The following C1D variants were observed in gnomAD, a reference collection of about 807,000 sequenced individuals.
The protein encoded by C1D is C1D nuclear receptor corepressor, also known as nuclear nucleic acid-binding protein C1D.
C1D carries 10 observed loss-of-function variants against 17.5 expected under a neutral mutation model. That is an observed-to-expected ratio of 0.57 (90% CI 0.35 to 0.97). The LOEUF is 0.97. Ranked by LOEUF, C1D falls within the 50% of genes least tolerant of loss-of-function variation. C1D has a pLI of 0.01. For synonymous variants in C1D, 49 were observed against 54.0 expected, an observed-to-expected ratio of 0.91 and a Z score of 0.40; for missense variants, 136 against 160.1, an observed-to-expected ratio of 0.85 and a Z score of 0.81.
At chr2:68,046,075 G>A in intron 3 of C1D, 32 bp from the exon 4 acceptor site, 1 of 1,415,678 alleles carries the variant, frequency 7.1e-7, no homozygotes, top group Non-Finnish European at 9.8e-7. Flanking sequence ...GAATAAAATG[G>A]TGAATGTATT....
At chr2:68,051,882 T>C (rs558276480) in intron 1 of C1D, among the ~76,000 whole-genome samples, 13 of 152,016 alleles carry the variant, frequency 8.6e-5, no homozygotes, top group Admixed American at 6.6e-4. Flanking sequence ...CAATATCAAC[T>C]AACATATATT....
rs369368107 is a variant in C1D, at chr2:68,046,139, T to TA, written c.206-97dup. On this transcript the variant is annotated intron_variant, in intron 3 of 4. Transcript: ENST00000410067. ...AGTTATTCACAAAAAAGGAAAGTCCTACAAACAATTAAACTTTAAATTATT... is the reference window on the plus strand; with the variant it reads ...AGTTATTCACAAAAAAGGAAAGTCCTAACAAACAATTAAACTTTAAATTATT... 1.1e-4 allele frequency: 100 copies of TA among 935,252 alleles called. No homozygotes were observed. In the African/African-American group the frequency reaches 1.5e-3, roughly 14 times the overall value. 57.9% of individuals were successfully genotyped at this position (935,252 alleles called of 1,614,324 possible). A position where few individuals can be genotyped will look rare whatever the true frequency, so the allele number is the denominator to read the frequency against.
At position 68,043,001 on chromosome 2, in the gene C1D, T is replaced by A; in HGVS notation, c.314A>T (p.Lys105Met). ...TGCACCTCTGTCCAGCTTGCCAGCCTTTTTCTTGTCTGTTATTTCCTTGAC... is the reference window on the plus strand; with the variant it reads ...TGCACCTCTGTCCAGCTTGCCAGCCATTTTCTTGTCTGTTATTTCCTTGAC... ...NRVKEITDKK[K>M]AGKLDRGAAS... is the part of the protein sequence containing the mutation. Residue 105 changes from lysine to methionine, a missense_variant, in exon 5 of 5, where the codon AAG becomes ATG. By Grantham distance (95) the Lys-to-Met change is moderately conservative (BLOSUM62 -1). Transcript: ENST00000410067. 1 of 1,609,690 alleles carries A rather than the reference T, an allele frequency of 6.2e-7. No individual in the cohort carries two copies. Among genetic ancestry groups the A allele is most frequent in the Non-Finnish European group, 8.5e-7 (1 of 1,177,336 alleles).
chr2:68,048,337 T>C (rs576996929), intron 1 of C1D, among the ~76,000 whole-genome samples: 1 of 152,262 alleles, frequency 6.6e-6, no homozygotes, highest in South Asian at 2.1e-4. Context: ...GAGAACAGCA[T>C]GAATGTGTAT....
At chr2:68,060,313 A>C (rs1345814221) in intron 1 of C1D, among the ~76,000 whole-genome samples, 1 of 152,180 alleles carries the variant, frequency 6.6e-6, no homozygotes, top group Non-Finnish European at 1.5e-5. Context: ...ACAGCAAACT[A>C]TTCTTAAACA....
chr2:68,052,140 G>A (rs903521547), intron 1 of C1D, among the ~76,000 whole-genome samples: 1 of 150,780 alleles, frequency 6.6e-6, no homozygotes, highest in Non-Finnish European at 1.5e-5. Flanking sequence ...CAATGAGAAG[G>A]AAAAAGTCAG....
chr2:68,059,474 C>G (rs1029954209), intron 1 of C1D, among the ~76,000 whole-genome samples: 3 of 152,158 alleles, frequency 2.0e-5, no homozygotes, highest in African/African-American at 7.2e-5. Flanking sequence ...CCATACCTCC[C>G]AAACAAAAGT....
At chr2:68,053,113 C>A in intron 1 of C1D, 1 of 1,550,908 alleles carries the variant, frequency 6.4e-7, no homozygotes, top group East Asian at 2.4e-5. Context: ...CCTTGCCCTT[C>A]CACATACTCC....
chr2:68,057,074 C>A (rs562032595), intron 1 of C1D, among the ~76,000 whole-genome samples: 2 of 152,076 alleles, frequency 1.3e-5, no homozygotes, highest in African/African-American at 2.4e-5. Flanking sequence ...TGAAAAGGTA[C>A]GAGGTACAGC....
chr2:68,055,359 A>G (rs1671407292), intron 1 of C1D, among the ~76,000 whole-genome samples: 1 of 152,218 alleles, frequency 6.6e-6, no homozygotes, highest in African/African-American at 2.4e-5. Flanking sequence ...TTTATAGGAA[A>G]TCCAAAGGAT....
At position 68,061,088 on chromosome 2, in the gene C1D, G is replaced by T. The variant is rs74959756; in HGVS notation, c.-10+1870C>A. The stretch of plus-strand genomic sequence containing the variant: ...ACACCAAATAATTATACACAGTTAT[G>T]AACTAAGCCAAAGAACAAATCCAAC... On this transcript the variant is annotated intron_variant, in intron 1 of 4. Coordinates refer to ENST00000410067, the MANE Select transcript of C1D (RefSeq NM_173177.3). Among the ~76,000 whole-genome samples, 1,446 of 152,288 alleles carry T rather than the reference G, an allele frequency of 9.5e-3. 24 individuals are homozygous for T. Among genetic ancestry groups the T allele is most frequent in the African/African-American group, 0.032 (1,349 of 41,552 alleles).
intron 1 of C1D, among the ~76,000 whole-genome samples, chr2:68,049,752 A>C (rs1671229904): frequency 6.6e-6 from 1 of 152,210 alleles, no homozygotes. Context: ...ATGTAAACGT[A>C]TAAACATATT....
At chr2:68,047,364 T>C (rs777811214) in intron 1 of C1D, 45 bp from the exon 2 acceptor site, 26 of 1,500,678 alleles carry the variant, frequency 1.7e-5, no homozygotes, top group Non-Finnish European at 2.2e-5. Context: ...AGACAGAGCT[T>C]GTTCTTTAGT....
At chr2:68,052,116 T>C (rs892612123) in intron 1 of C1D, among the ~76,000 whole-genome samples, 3 of 151,916 alleles carry the variant, frequency 2.0e-5, no homozygotes, top group African/African-American at 4.8e-5. Context: ...AGTAAATCTA[T>C]ATATAGTGAC....
At position 68,042,278 on chromosome 2, in the gene C1D, T is replaced by G. The variant is rs1463559275; in HGVS notation, c.*611A>C. ...TTCATCCATCAACATACAACCTTAT[T>G]TCCCATCTAAAGTTAATGAGAATGT... is the stretch of plus-strand genomic sequence containing the variant. On this transcript the variant is annotated 3_prime_UTR_variant, in exon 5 of 5. Coordinates refer to ENST00000410067, the MANE Select transcript of C1D (RefSeq NM_173177.3). 4 of 152,570 alleles carry G rather than the reference T, an allele frequency of 2.6e-5. No homozygotes were observed. 9.5% of individuals were successfully genotyped at this position (152,570 alleles called of 1,614,324 possible). A position where few individuals can be genotyped will look rare whatever the true frequency, so the allele number is the denominator to read the frequency against.
chr2:68,059,599 CCTT>C (rs938103577), intron 1 of C1D, among the ~76,000 whole-genome samples: 2 of 152,230 alleles, frequency 1.3e-5, no homozygotes, highest in African/African-American at 2.4e-5. Flanking sequence ...CAATAACACT[CCTT>C]AAGTTCTTGA....
chr2:68,045,878 A>C, intron 4 of C1D, 110 bp downstream of exon 4: 1 of 761,306 alleles, frequency 1.3e-6, no homozygotes, highest in Non-Finnish European at 2.1e-6. Flanking sequence ...GCTCACTTTC[A>C]TAATTTCAAC....
At chr2:68,044,092 C>G (rs980674034) in intron 4 of C1D, among the ~76,000 whole-genome samples, 10 of 152,230 alleles carry the variant, frequency 6.6e-5, no homozygotes, top group Admixed American at 6.5e-5. Flanking sequence ...GCATTTAAAA[C>G]TGCAGTCCTA....
chr2:68,055,145 A>C (rs1671403069), intron 1 of C1D, among the ~76,000 whole-genome samples: 1 of 152,208 alleles, frequency 6.6e-6, no homozygotes. Context: ...TGACAACTTA[A>C]AAAAGAATCA....
Sources: allele counts gnomAD v4.1 joint callset (sites outside exome capture counted in the v4.1 genomes callset), GRCh38; gene constraint gnomAD v4.1.1; transcripts MANE v1.5; gene names NCBI Gene and HGNC (gene_info 2026-07-23, HGNC 2026-07-21).